Variants in NTNG1 observed in about 807,000 individuals in gnomAD.
NTNG1 encodes netrin-G1.
NTNG1 carries 16 observed loss-of-function variants against 54.0 expected under a neutral mutation model. The observed-to-expected ratio is 0.30, with a 90% CI of 0.20 to 0.45. The LOEUF is 0.45. NTNG1 is among the 20% of genes least tolerant of loss of function. The pLI, the probability that NTNG1 is intolerant of heterozygous loss-of-function variation, is 1.00. For missense variants in NTNG1, 530 were observed against 678.7 expected (o/e 0.78, Z 2.43); for synonymous variants, 255 against 263.1 (o/e 0.97, Z 0.30).
intron 2 of NTNG1, among the ~76,000 whole-genome samples, chr1:107,188,092 G>A (rs558474887): frequency 1.1e-3 from 165 of 152,042 alleles, no homozygotes; most frequent in South Asian, 2.7e-3. Context: ...GCCACTCAGC[G>A]TTGCTGATTA....
At chr1:107,152,021 CAT>C (rs764536430) in intron 2 of NTNG1, among the ~76,000 whole-genome samples, 15 of 150,498 alleles carry the variant, frequency 1.0e-4, no homozygotes, top group African/African-American at 2.2e-4. Context: ...CACACACATA[CAT>C]ATATATATAC....
At chr1:107,299,915 T>C (rs1035244793) in intron 2 of NTNG1, among the ~76,000 whole-genome samples, 9 of 152,232 alleles carry the variant, frequency 5.9e-5, no homozygotes, top group African/African-American at 2.2e-4. Context: ...GAAGCAAAAT[T>C]GAAGAAAACA....
At chr1:107,433,692 G>A (rs1399069767) in intron 6 of NTNG1, among the ~76,000 whole-genome samples, 1 of 152,110 alleles carries the variant, frequency 6.6e-6, no homozygotes, top group African/African-American at 2.4e-5. Flanking sequence ...AGGTACTAAG[G>A]TCTATCTTTT....
intron 2 of NTNG1, among the ~76,000 whole-genome samples, chr1:107,284,280 AAT>A (rs1198081748): frequency 2.0e-5 from 3 of 152,148 alleles, no homozygotes; most frequent in Non-Finnish European, 4.4e-5. Context: ...GATTTGTGAG[AAT>A]TTAAGGAGAA....
intron 6 of NTNG1, among the ~76,000 whole-genome samples, chr1:107,433,115 T>C (rs1303111790): frequency 6.6e-6 from 1 of 152,252 alleles, no homozygotes; most frequent in Non-Finnish European, 1.5e-5. Flanking sequence ...CTAGAAAGTT[T>C]ATTAATTAAA....
intron 1 of NTNG1, among the ~76,000 whole-genome samples, chr1:107,142,346 G>T (rs1049597182): frequency 1.3e-5 from 2 of 151,354 alleles, no homozygotes; most frequent in Non-Finnish European, 2.9e-5. Context: ...TTAAGAGTAG[G>T]CTGTCATCTT....
chr1:107,339,154 C>T (rs1668762014), intron 3 of NTNG1, among the ~76,000 whole-genome samples: 2 of 151,998 alleles, frequency 1.3e-5, no homozygotes, highest in African/African-American at 2.4e-5. Context: ...CATAACCCTT[C>T]CTGGTTCAAA....
At chr1:107,176,608 A>G (rs1314166609) in intron 2 of NTNG1, among the ~76,000 whole-genome samples, 2 of 152,178 alleles carry the variant, frequency 1.3e-5, no homozygotes, top group Non-Finnish European at 2.9e-5. Flanking sequence ...GAGTATTTTG[A>G]AAATGTTCAG....
intron 2 of NTNG1, among the ~76,000 whole-genome samples, chr1:107,194,512 T>C (rs1230764474): frequency 6.6e-6 from 1 of 152,052 alleles, no homozygotes; most frequent in East Asian, 1.9e-4. Flanking sequence ...TCATATATTT[T>C]TATCTGAGAG....
At chr1:107,185,911 G>A (rs1657427046) in intron 2 of NTNG1, among the ~76,000 whole-genome samples, 1 of 152,068 alleles carries the variant, frequency 6.6e-6, no homozygotes, top group African/African-American at 2.4e-5. Context: ...TAAAAGTGCA[G>A]TTTTGTTACA....
At chr1:107,245,885 C>T (rs1158143026) in intron 2 of NTNG1, among the ~76,000 whole-genome samples, 2 of 152,138 alleles carry the variant, frequency 1.3e-5, no homozygotes, top group East Asian at 3.8e-4. Flanking sequence ...TAAACAGCCT[C>T]ATTTAAAGCC....
intron 7 of NTNG1, among the ~76,000 whole-genome samples, chr1:107,447,116 G>A (rs920525256): frequency 6.6e-6 from 1 of 152,106 alleles, no homozygotes; most frequent in African/African-American, 2.4e-5. Context: ...GGGGAAATGG[G>A]CATATGTCTC....
intron 4 of NTNG1, among the ~76,000 whole-genome samples, chr1:107,397,529 C>T (rs1672754292): frequency 1.3e-5 from 2 of 152,160 alleles, no homozygotes; most frequent in South Asian, 4.1e-4. Context: ...ACACTGTTTC[C>T]CATCTCTAAT....
chr1:107,367,689 T>C (rs1670680786), intron 3 of NTNG1, among the ~76,000 whole-genome samples: 1 of 152,266 alleles, frequency 6.6e-6, no homozygotes, highest in South Asian at 2.1e-4. Context: ...CTACTGTAGT[T>C]ACTCTGTGCT....
At chr1:107,226,940 C>T (rs541395835) in intron 2 of NTNG1, among the ~76,000 whole-genome samples, 4 of 152,074 alleles carry the variant, frequency 2.6e-5, no homozygotes, top group Non-Finnish European at 4.4e-5. Flanking sequence ...CTGAGCAGCA[C>T]CAAGGGCTTG....
intron 2 of NTNG1, among the ~76,000 whole-genome samples, chr1:107,313,991 A>G (rs887269122): frequency 3.3e-5 from 5 of 152,192 alleles, no homozygotes; most frequent in Admixed American, 3.3e-4. Context: ...TAAGTGATCT[A>G]CTGAAAAGTT....
intron 4 of NTNG1, among the ~76,000 whole-genome samples, chr1:107,406,461 A>C (rs10785822): frequency 0.44 from 66,594 of 151,974 alleles, 15,548 homozygotes; most frequent in Non-Finnish European, 0.52. Context: ...CGGCAGCCCT[A>C]TGCAGTAGAT....
intron 2 of NTNG1, among the ~76,000 whole-genome samples, chr1:107,269,317 C>T (rs901436793): frequency 2.0e-5 from 3 of 152,166 alleles, no homozygotes; most frequent in African/African-American, 7.2e-5. Context: ...CTCTCATTTT[C>T]CTCAATTCTC....
At chr1:107,259,975 A>C (rs926502400) in intron 2 of NTNG1, among the ~76,000 whole-genome samples, 1 of 152,192 alleles carries the variant, frequency 6.6e-6, no homozygotes, top group African/African-American at 2.4e-5. Context: ...GCTAGGTGAG[A>C]GGGACACCAT....
Sources: allele counts gnomAD v4.1 joint callset (sites outside exome capture counted in the v4.1 genomes callset), GRCh38; gene constraint gnomAD v4.1.1; transcripts MANE v1.5; gene names NCBI Gene and HGNC (gene_info 2026-07-23, HGNC 2026-07-21).